CDKAL1: variants seen among roughly 807,000 people sequenced by gnomAD.
CDKAL1 encodes the protein CDKAL1 threonylcarbamoyladenosine tRNA methylthiotransferase.
In CDKAL1, 32 loss-of-function variants were observed where a neutral mutation model predicts 68.2. That is an observed-to-expected ratio of 0.47 (90% confidence interval 0.35 to 0.63). The LOEUF is 0.63. Ranked by LOEUF, CDKAL1 falls within the 30% of genes least tolerant of loss-of-function variation. The pLI is 0.00. For synonymous variants in CDKAL1, 234 were observed against 244.3 expected, an observed-to-expected ratio of 0.96 and a Z score of 0.39; for missense variants, 606 against 696.7, an observed-to-expected ratio of 0.87 and a Z score of 1.47.
intron 8 of CDKAL1, among the ~76,000 whole-genome samples, chr6:20,805,885 T>A (rs1052463419): frequency 2.0e-5 from 3 of 152,172 alleles, no homozygotes; most frequent in Non-Finnish European, 2.9e-5. Context: ...TAAGACTATT[T>A]AATGGCGAGA....
intron 4 of CDKAL1, among the ~76,000 whole-genome samples, chr6:20,638,889 C>T (rs1294649282): frequency 6.6e-6 from 1 of 152,024 alleles, no homozygotes; most frequent in Admixed American, 6.6e-5. Flanking sequence ...GCCTCGGCCT[C>T]CTAAAGTGCT....
At chr6:21,063,744 G>A (rs58832473) in intron 11 of CDKAL1, among the ~76,000 whole-genome samples, 3 of 152,194 alleles carry the variant, frequency 2.0e-5, no homozygotes, top group African/African-American at 7.2e-5. Context: ...TAAAATAGTT[G>A]GAAGGTATGC....
At chr6:21,059,191 T>C (rs9350316) in intron 11 of CDKAL1, among the ~76,000 whole-genome samples, 127,650 of 152,228 alleles carry the variant, frequency 0.84, 54,114 homozygotes, top group African/African-American at 0.96. Context: ...AGTCTGGCCA[T>C]GATCTGCCAC....
intron 12 of CDKAL1, among the ~76,000 whole-genome samples, chr6:21,069,096 T>A (rs2150938936): frequency 6.6e-6 from 1 of 152,328 alleles, no homozygotes; most frequent in East Asian, 1.9e-4. Context: ...TTTCTTAGTA[T>A]ACAGTTATGT....
chr6:21,058,714 A>G (rs567587490), intron 11 of CDKAL1, among the ~76,000 whole-genome samples: 9 of 152,320 alleles, frequency 5.9e-5, no homozygotes, highest in Admixed American at 5.2e-4. Context: ...CCTGGTGGTG[A>G]CAAATACCCT....
chr6:20,747,057 T>C (rs1313609245), intron 6 of CDKAL1, among the ~76,000 whole-genome samples: 2 of 152,194 alleles, frequency 1.3e-5, no homozygotes, highest in African/African-American at 4.8e-5. Flanking sequence ...TGACTTGTTT[T>C]AAGTAAAGCT....
intron 12 of CDKAL1, among the ~76,000 whole-genome samples, chr6:21,086,488 T>C (rs1772701033): frequency 6.6e-6 from 1 of 152,178 alleles, no homozygotes. Flanking sequence ...ATAGAATGAC[T>C]TACCAAATGC....
At chr6:20,808,043 C>T (rs1468495969) in intron 8 of CDKAL1, among the ~76,000 whole-genome samples, 2 of 152,120 alleles carry the variant, frequency 1.3e-5, no homozygotes, top group South Asian at 2.1e-4. Flanking sequence ...GTTAAAATCA[C>T]GTTTGTTGAT....
intron 13 of CDKAL1, among the ~76,000 whole-genome samples, chr6:21,163,964 A>C (rs9368284): frequency 6.6e-6 from 1 of 151,806 alleles, no homozygotes; most frequent in Admixed American, 6.5e-5. Context: ...AAACAAAAAA[A>C]GAAAAGAAAA....
intron 9 of CDKAL1, among the ~76,000 whole-genome samples, chr6:20,876,015 G>T (rs907955251): frequency 5.3e-5 from 8 of 152,180 alleles, no homozygotes; most frequent in African/African-American, 1.9e-4. Context: ...ATTGAAAAAG[G>T]CTAAACTTAC....
chr6:20,609,730 T>C (rs763166377), intron 4 of CDKAL1, among the ~76,000 whole-genome samples: 3 of 150,796 alleles, frequency 2.0e-5, no homozygotes, highest in Non-Finnish European at 4.4e-5. Flanking sequence ...AAGCATGGTA[T>C]ATATGATTTT....
At chr6:21,183,660 G>A (rs1208685148) in intron 13 of CDKAL1, among the ~76,000 whole-genome samples, 1 of 152,138 alleles carries the variant, frequency 6.6e-6, no homozygotes, top group Non-Finnish European at 1.5e-5. Context: ...TGTGAAGTTG[G>A]AATTTAGTTA....
At chr6:20,899,593 C>T (rs1761867115) in intron 9 of CDKAL1, among the ~76,000 whole-genome samples, 1 of 152,006 alleles carries the variant, frequency 6.6e-6, no homozygotes, top group African/African-American at 2.4e-5. Context: ...CCTGTAATCC[C>T]ATAACTTTGG....
intron 9 of CDKAL1, among the ~76,000 whole-genome samples, chr6:20,950,510 C>G (rs1331685097): frequency 6.6e-6 from 1 of 152,004 alleles, no homozygotes; most frequent in African/African-American, 2.4e-5. Context: ...AAAGAAACAG[C>G]AGGAAGTAAA....
chr6:21,208,855 A>T (rs1249580545), intron 15 of CDKAL1, among the ~76,000 whole-genome samples: 2 of 152,182 alleles, frequency 1.3e-5, no homozygotes, highest in Non-Finnish European at 2.9e-5. Flanking sequence ...TATGACTGTC[A>T]CTTCACACTG....
At chr6:21,049,034 G>T (rs1404510554) in intron 11 of CDKAL1, among the ~76,000 whole-genome samples, 1 of 151,978 alleles carries the variant, frequency 6.6e-6, no homozygotes, top group Non-Finnish European at 1.5e-5. Context: ...AGGGGTGGGG[G>T]TGGAGGATGA....
At chr6:20,651,724 G>A (rs562529662) in intron 5 of CDKAL1, among the ~76,000 whole-genome samples, 6 of 152,262 alleles carry the variant, frequency 3.9e-5, no homozygotes, top group South Asian at 2.1e-4. Context: ...TTTGAGGTCT[G>A]TTCCATCAAT....
intron 8 of CDKAL1, among the ~76,000 whole-genome samples, chr6:20,843,133 T>C (rs1176835206): frequency 5.9e-5 from 9 of 152,080 alleles, no homozygotes; most frequent in Admixed American, 5.9e-4. Flanking sequence ...GTCCATAAAG[T>C]TGAGTACACC....
At chr6:20,718,730 G>A (rs1047478638) in intron 5 of CDKAL1, among the ~76,000 whole-genome samples, 12 of 152,074 alleles carry the variant, frequency 7.9e-5, no homozygotes, top group African/African-American at 2.9e-4. Context: ...TTTCAATTCT[G>A]CTGGAGATTA....
Sources: gnomAD v4.1 joint callset for allele counts (sites outside exome capture counted in the v4.1 genomes callset) on GRCh38, gnomAD v4.1.1 for gene constraint, MANE v1.5 for transcripts, NCBI Gene and HGNC (gene_info 2026-07-23, HGNC 2026-07-21) for gene names.